Variants in TMEM74 observed in about 807,000 individuals in gnomAD.
TMEM74 encodes the protein transmembrane protein 74.
In TMEM74, 13 loss-of-function variants were observed where a neutral mutation model predicts 18.1. The ratio of observed to expected loss-of-function variants is 0.72; its 90% CI spans 0.47 to 1.14. TMEM74 has a LOEUF of 1.14. Among genes scored for constraint, TMEM74 ranks in the 50% most tolerant of loss-of-function variants. TMEM74 has a pLI of 0.00. For missense variants in TMEM74, 372 were observed against 375.9 expected, an observed-to-expected ratio of 0.99 and a Z score of 0.09; for synonymous variants, 159 against 146.6, an observed-to-expected ratio of 1.08 and a Z score of -0.61.
At chr8:108,667,892 C>T (rs1330451274) in intron 1 of TMEM74, among the ~76,000 whole-genome samples, 1 of 152,102 alleles carries the variant, frequency 6.6e-6, no homozygotes, top group African/African-American at 2.4e-5. Context: ...GTACCTCCTC[C>T]CATAATACTA....
intron 2 of TMEM74, among the ~76,000 whole-genome samples, chr8:108,630,485 G>A (rs920383194): frequency 3.3e-5 from 5 of 152,062 alleles, no homozygotes; most frequent in African/African-American, 1.2e-4. Context: ...GGACCTAATA[G>A]ACATGTACAG....
chr8:108,784,408 A>G lies in TMEM74; in HGVS notation c.691T>C (p.Cys231Arg). ...SARLGAHLDR[C>R]VIAGLCLLTL... Reference sequence around the variant, plus strand: ...AGGAGGCAGAGCCCCGCAATCACACAGCGGTCCAGGTGAGCCCCCAGCCTC... The same window carrying G: ...AGGAGGCAGAGCCCCGCAATCACACGGCGGTCCAGGTGAGCCCCCAGCCTC... Residue 231 changes from cysteine to arginine, a missense_variant, in exon 2 of 2, where the codon TGT becomes CGT. Coordinates refer to ENST00000297459, the MANE Select transcript of TMEM74 (RefSeq NM_153015.3). 1 of 1,614,102 alleles carries G rather than the reference A, an allele frequency of 6.2e-7. No individual in the cohort carries two copies. Among genetic ancestry groups the G allele is most frequent in the Non-Finnish European group, 8.5e-7 (1 of 1,180,016 alleles).
chr8:108,625,423 A>C (rs1812484282), intron 2 of TMEM74, among the ~76,000 whole-genome samples: 1 of 152,082 alleles, frequency 6.6e-6, no homozygotes, highest in Non-Finnish European at 1.5e-5. Flanking sequence ...ATTTCTTTCC[A>C]GTATTCCCTT....
intron 2 of TMEM74, among the ~76,000 whole-genome samples, chr8:108,618,667 C>T (rs1022422699): frequency 7.9e-5 from 12 of 152,262 alleles, no homozygotes; most frequent in Admixed American, 7.9e-4. Context: ...GAAAACACTA[C>T]ATATTAGTTG....
At chr8:108,675,874 A>G (rs1408271969) in intron 1 of TMEM74, among the ~76,000 whole-genome samples, 2 of 152,262 alleles carry the variant, frequency 1.3e-5, no homozygotes, top group Non-Finnish European at 2.9e-5. Flanking sequence ...AGGCAGGACC[A>G]TGTAATATTG....
chr8:108,657,851 A>AT (rs1812851540), intron 1 of TMEM74, among the ~76,000 whole-genome samples: 9 of 43,784 alleles, frequency 2.1e-4, no homozygotes, highest in Non-Finnish European at 3.7e-4. Context: ...TCAAAAAAAA[A>AT]AAAAAAAAAT....
At chr8:108,749,086 A>T (rs1813879896) in intron 1 of TMEM74, among the ~76,000 whole-genome samples, 1 of 152,022 alleles carries the variant, frequency 6.6e-6, no homozygotes, top group African/African-American at 2.4e-5. Flanking sequence ...TGACACCTCC[A>T]GTTTTGTTCT....
At chr8:108,681,205 C>T (rs1813111128) in intron 1 of TMEM74, among the ~76,000 whole-genome samples, 1 of 152,152 alleles carries the variant, frequency 6.6e-6, no homozygotes, top group South Asian at 2.1e-4. Context: ...GCCCGCATCG[C>T]CAAGTCAATC....
intron 1 of TMEM74, among the ~76,000 whole-genome samples, chr8:108,762,656 T>A (rs1814058679): frequency 6.6e-6 from 1 of 152,150 alleles, no homozygotes. Flanking sequence ...TATCTCCCCA[T>A]CTTTTTCCTT....
rs1563534954 is a variant in TMEM74, at chr8:108,720,754, A to AG, written n.120-65318_120-65317insC. Among the ~76,000 whole-genome samples the AG allele has an allele frequency of 2.0e-4, 5 of 25,484 alleles. 1 individual carries two copies. Among genetic ancestry groups the AG allele is most frequent in the South Asian group, 2.8e-3 (2 of 704 alleles). 16.7% of individuals were successfully genotyped at this position (25,484 alleles called of 152,430 possible). The stretch of plus-strand genomic sequence containing the variant: ...TATTTATTTATTTATTTATTTATTT[A>AG]TTAGTTTGTTTGTTTGTTTGTTTGT... On this transcript the variant is annotated intron_variant and non_coding_transcript_variant, in intron 1 of 3. Coordinates refer to the TMEM74 transcript ENST00000518838.
At chr8:108,708,021 C>A (rs1813434243) in intron 1 of TMEM74, among the ~76,000 whole-genome samples, 2 of 152,092 alleles carry the variant, frequency 1.3e-5, no homozygotes, top group Admixed American at 1.3e-4. Context: ...TCCGTTCTCG[C>A]CCTCCTCCCA....
At chr8:108,709,320 C>T (rs1813451625) in intron 1 of TMEM74, among the ~76,000 whole-genome samples, 1 of 152,098 alleles carries the variant, frequency 6.6e-6, no homozygotes, top group Admixed American at 6.5e-5. Context: ...ATGTAGCATA[C>T]ACGTACAATA....
At chr8:108,633,717 T>C (rs1201627410) in intron 2 of TMEM74, among the ~76,000 whole-genome samples, 5 of 152,012 alleles carry the variant, frequency 3.3e-5, no homozygotes, top group African/African-American at 7.2e-5. Context: ...GTGAGCATGC[T>C]TGTGGAATTG....
chr8:108,623,005 A>G (rs78794588), intron 2 of TMEM74, among the ~76,000 whole-genome samples: 216 of 152,226 alleles, frequency 1.4e-3, no homozygotes, highest in Middle Eastern at 6.8e-3. Flanking sequence ...TTCTCAAAAT[A>G]GTGGCAGAAA....
At chr8:108,756,714 AAGAAAG>A (rs1479495073) in intron 1 of TMEM74, among the ~76,000 whole-genome samples, 1 of 101,078 alleles carries the variant, frequency 9.9e-6, no homozygotes, top group African/African-American at 3.9e-5. Flanking sequence ...GAAAGAAAGA[AAGAAAG>A]AGAAAGAAAG....
At chr8:108,761,344 A>G (rs2130662276) in intron 1 of TMEM74, among the ~76,000 whole-genome samples, 1 of 151,986 alleles carries the variant, frequency 6.6e-6, no homozygotes, top group East Asian at 1.9e-4. Context: ...TAAACATTAA[A>G]TATCAATATA....
intron 1 of TMEM74, among the ~76,000 whole-genome samples, chr8:108,670,602 G>A (rs1390224096): frequency 6.6e-6 from 1 of 152,126 alleles, no homozygotes; most frequent in Non-Finnish European, 1.5e-5. Context: ...CTCCCCACAA[G>A]ATCTTTAATA....
intron 1 of TMEM74, among the ~76,000 whole-genome samples, chr8:108,752,820 G>A (rs938919553): frequency 3.3e-5 from 5 of 151,964 alleles, no homozygotes; most frequent in Non-Finnish European, 5.9e-5. Flanking sequence ...TTAGAAATTT[G>A]CTTAATTTCT....
chr8:108,705,297 G>A (rs1415053687), intron 1 of TMEM74, among the ~76,000 whole-genome samples: 1 of 152,182 alleles, frequency 6.6e-6, no homozygotes, highest in African/African-American at 2.4e-5. Context: ...TTCTGAGAAG[G>A]AAGGTTATTT....
Sources: allele counts gnomAD v4.1 joint callset (sites outside exome capture counted in the v4.1 genomes callset), GRCh38; gene constraint gnomAD v4.1.1; transcripts MANE v1.5; gene names NCBI Gene and HGNC (gene_info 2026-07-23, HGNC 2026-07-21).